Variants in MACROD2 observed in about 807,000 individuals in gnomAD.
MACROD2 encodes the protein mono-ADP ribosylhydrolase 2, also known as ADP-ribose glycohydrolase MACROD2.
In MACROD2, 36 loss-of-function variants were observed where a neutral mutation model predicts 70.4. That is an observed-to-expected ratio of 0.51 (90% CI 0.39 to 0.68). The LOEUF is 0.68. Ranked by LOEUF, MACROD2 falls within the 30% of genes least tolerant of loss-of-function variation. The pLI is 0.00. For missense variants in MACROD2, 496 were observed against 538.4 expected, an observed-to-expected ratio of 0.92 and a Z score of 0.78; for synonymous variants, 172 against 178.8, an observed-to-expected ratio of 0.96 and a Z score of 0.30.
At chr20:14,830,404 TGA>T (rs1213591853) in intron 5 of MACROD2, among the ~76,000 whole-genome samples, 1 of 152,154 alleles carries the variant, frequency 6.6e-6, no homozygotes, top group Non-Finnish European at 1.5e-5. Context: ...GTTTATAAAT[TGA>T]GATTTAAAAA....
intron 5 of MACROD2, among the ~76,000 whole-genome samples, chr20:14,792,144 C>T (rs1034394795): frequency 1.3e-4 from 20 of 151,750 alleles, no homozygotes; most frequent in Admixed American, 1.3e-4. Context: ...TTTAACTTAG[C>T]GAACTGTTTG....
chr20:16,047,167 G>A (rs992399602), intron 17 of MACROD2, among the ~76,000 whole-genome samples: 1 of 152,102 alleles, frequency 6.6e-6, no homozygotes, highest in Admixed American at 6.6e-5. Flanking sequence ...GACTCCCACA[G>A]CAATATTTAC....
At chr20:16,044,680 G>T (rs1342849928) in intron 17 of MACROD2, 41 bp downstream of exon 17, 1 of 1,560,878 alleles carries the variant, frequency 6.4e-7, no homozygotes, top group Admixed American at 1.7e-5. Context: ...TGATCAACCA[G>T]CCATAAGAAC....
At chr20:15,210,258 G>T (rs1229251898) in intron 5 of MACROD2, among the ~76,000 whole-genome samples, 3 of 152,180 alleles carry the variant, frequency 2.0e-5, no homozygotes, top group African/African-American at 7.2e-5. Flanking sequence ...TCCAGTTATT[G>T]GTAAGAAAGG....
At chr20:15,832,921 G>A (rs1470952931) in intron 8 of MACROD2, among the ~76,000 whole-genome samples, 1 of 152,210 alleles carries the variant, frequency 6.6e-6, no homozygotes, top group East Asian at 1.9e-4. Flanking sequence ...TCTGATGGAA[G>A]GAAGATGTTG....
At chr20:15,442,918 T>A (rs1003247855) in intron 7 of MACROD2, among the ~76,000 whole-genome samples, 17 of 152,252 alleles carry the variant, frequency 1.1e-4, no homozygotes, top group African/African-American at 4.1e-4. Context: ...AAGTATGAAA[T>A]TTTTAAGGCA....
At chr20:14,626,113 T>A (rs544037486) in intron 4 of MACROD2, among the ~76,000 whole-genome samples, 1 of 152,216 alleles carries the variant, frequency 6.6e-6, no homozygotes, top group Non-Finnish European at 1.5e-5. Flanking sequence ...CGTGAGCCAC[T>A]GTACCTGACC....
chr20:15,990,461 T>G (rs1460719363), intron 15 of MACROD2, among the ~76,000 whole-genome samples: 4 of 152,228 alleles, frequency 2.6e-5, no homozygotes, highest in Non-Finnish European at 5.9e-5. Flanking sequence ...ATATATTGGA[T>G]ATTTTTTTCT....
At chr20:15,098,621 T>G (rs957736506) in intron 5 of MACROD2, among the ~76,000 whole-genome samples, 1 of 152,184 alleles carries the variant, frequency 6.6e-6, no homozygotes, top group African/African-American at 2.4e-5. Flanking sequence ...AATAGAGTGG[T>G]GAATAAGATT....
At chr20:15,306,920 G>A (rs2077703247) in intron 6 of MACROD2, among the ~76,000 whole-genome samples, 1 of 152,148 alleles carries the variant, frequency 6.6e-6, no homozygotes, top group African/African-American at 2.4e-5. Context: ...AACAGCATCT[G>A]CTCAGCTTCT....
chr20:15,383,325 C>A (rs921718985), intron 6 of MACROD2, among the ~76,000 whole-genome samples: 2 of 152,160 alleles, frequency 1.3e-5, no homozygotes, highest in Non-Finnish European at 2.9e-5. Flanking sequence ...GCATTGAGTA[C>A]TTTCAGTAAA....
intron 3 of MACROD2, among the ~76,000 whole-genome samples, chr20:14,289,408 A>G (rs1050711527): frequency 6.6e-6 from 1 of 152,238 alleles, no homozygotes; most frequent in East Asian, 1.9e-4. Context: ...CCTCTGTGTA[A>G]AACAGATGCT....
At chr20:14,641,111 A>G (rs570824212) in intron 4 of MACROD2, among the ~76,000 whole-genome samples, 1 of 152,324 alleles carries the variant, frequency 6.6e-6, no homozygotes, top group South Asian at 2.1e-4. Flanking sequence ...GTAATATTCT[A>G]AATCCTTTTT....
chr20:14,449,833 A>C (rs1341402672), intron 3 of MACROD2, among the ~76,000 whole-genome samples: 1 of 152,100 alleles, frequency 6.6e-6, no homozygotes, highest in Non-Finnish European at 1.5e-5. Context: ...GTTTGATTTC[A>C]AAGCCTATGT....
chr20:15,013,383 C>A (rs1295333484), intron 5 of MACROD2, among the ~76,000 whole-genome samples: 1 of 152,096 alleles, frequency 6.6e-6, no homozygotes, highest in East Asian at 1.9e-4. Context: ...ATGGTAGACA[C>A]TGTGATAAGC....
chr20:15,991,726 G>T (rs963810600), intron 15 of MACROD2, among the ~76,000 whole-genome samples: 1 of 152,078 alleles, frequency 6.6e-6, no homozygotes, highest in Non-Finnish European at 1.5e-5. Context: ...CATATTAGCA[G>T]CACAATCATT....
intron 3 of MACROD2, among the ~76,000 whole-genome samples, chr20:14,396,031 A>G (rs1480086848): frequency 6.6e-6 from 1 of 152,238 alleles, no homozygotes; most frequent in African/African-American, 2.4e-5. Context: ...CTGGGACTAC[A>G]GGTGTGTGCC....
intron 7 of MACROD2, among the ~76,000 whole-genome samples, chr20:15,471,008 C>T (rs1182182006): frequency 1.3e-5 from 2 of 152,234 alleles, no homozygotes; most frequent in Non-Finnish European, 2.9e-5. Context: ...CCGCCTCCTT[C>T]ATCCATCTTG....
chr20:15,029,575 C>T (rs1227088308), intron 5 of MACROD2, among the ~76,000 whole-genome samples: 2 of 152,104 alleles, frequency 1.3e-5, no homozygotes, highest in African/African-American at 4.8e-5. Flanking sequence ...TTTCACAAGT[C>T]AGAGATTTAC....
Sources: gnomAD v4.1 joint callset for allele counts (sites outside exome capture counted in the v4.1 genomes callset) on GRCh38, gnomAD v4.1.1 for gene constraint, MANE v1.5 for transcripts, NCBI Gene and HGNC (gene_info 2026-07-23, HGNC 2026-07-21) for gene names.